CCDC15: variants seen among roughly 807,000 people sequenced by gnomAD.
The protein encoded by CCDC15 is coiled-coil domain-containing protein 15.
A neutral mutation model predicts 114.5 loss-of-function variants in CCDC15; 105 were observed. The observed-to-expected ratio is 0.92, with a 90% confidence interval of 0.78 to 1.08. The LOEUF (loss-of-function observed/expected upper bound fraction) is 1.08, where lower values mean the gene tolerates loss of function less well. CCDC15 is among the 50% of genes least tolerant of loss of function. The probability of loss-of-function intolerance (pLI) is 0.00; values close to 1 mark genes in which losing one functional copy is unlikely to be tolerated. For missense variants in CCDC15, 1,105 were observed against 1,093.6 expected (o/e 1.01, Z -0.15); for synonymous variants, 334 against 377.8 (o/e 0.88, Z 1.34).
At chr11:125,019,044 T>C (rs1948645954) in intron 13 of CCDC15, among the ~76,000 whole-genome samples, 2 of 151,812 alleles carry the variant, frequency 1.3e-5, no homozygotes, top group South Asian at 4.2e-4. Context: ...CCTTAAGAAA[T>C]AAGGAAAGAC....
intron 4 of CCDC15, among the ~76,000 whole-genome samples, chr11:124,968,246 G>T (rs1282980256): frequency 6.6e-6 from 1 of 152,234 alleles, no homozygotes; most frequent in East Asian, 1.9e-4. Flanking sequence ...GTTCAGCTAT[G>T]CCCTGACCCT....
intron 6 of CCDC15, among the ~76,000 whole-genome samples, chr11:124,981,911 G>A (rs915893483): frequency 5.3e-5 from 8 of 152,236 alleles, no homozygotes; most frequent in South Asian, 2.1e-4. Flanking sequence ...ATGAGCCATC[G>A]CAGCTGGCCT....
In CCDC15 at chr11:124,986,889, G is replaced by A; in HGVS notation, c.900+1G>A. 6.5e-7 allele frequency: 1 copy of A among 1,542,028 alleles called. No homozygotes were observed. The highest frequency in any genetic ancestry group is 1.7e-4 in the Middle Eastern group (1 of 5,882). On this transcript the variant is annotated splice_donor_variant, in intron 7 of 15. Transcript: ENST00000344762. LOFTEE classifies it high-confidence loss of function. ...GAACAAACCTTTCAGCAGAGTTCAGGTAAAGCAATAAGAGAAATTAAATTA... is the reference window on the plus strand; with the variant it reads ...GAACAAACCTTTCAGCAGAGTTCAGATAAAGCAATAAGAGAAATTAAATTA...
intron 4 of CCDC15, among the ~76,000 whole-genome samples, chr11:124,966,932 A>G (rs527504211): frequency 6.6e-6 from 1 of 152,328 alleles, no homozygotes; most frequent in African/African-American, 2.4e-5. Flanking sequence ...TTCCGGGTTG[A>G]AAATTCTTTT....
rs980527483 is a variant in CCDC15, at chr11:124,991,014, C to G, written c.1909-447C>G. Among the ~76,000 whole-genome samples, 3 of 152,178 alleles carry G rather than the reference C, an allele frequency of 2.0e-5. No individual in the cohort carries two copies. In the East Asian group the frequency reaches 5.8e-4, roughly 29 times the overall value. ...AATTATATTCTGATCTTGGTTAACTCCAGAATTCTCACTAAAACCTAAAGT... is the reference window on the plus strand; with the variant it reads ...AATTATATTCTGATCTTGGTTAACTGCAGAATTCTCACTAAAACCTAAAGT... On this transcript the variant is annotated intron_variant, in intron 8 of 15. Coordinates refer to ENST00000344762, the MANE Select transcript of CCDC15 (RefSeq NM_025004.3).
At chr11:125,017,509 G>A (rs1948636068) in intron 13 of CCDC15, among the ~76,000 whole-genome samples, 1 of 152,114 alleles carries the variant, frequency 6.6e-6, no homozygotes, top group African/African-American at 2.4e-5. Flanking sequence ...TAAACCTACT[G>A]TGCTTCCAGT....
chr11:124,958,494 A>G (rs1377749182), intron 2 of CCDC15, among the ~76,000 whole-genome samples: 3 of 152,180 alleles, frequency 2.0e-5, no homozygotes, highest in African/African-American at 7.2e-5. Context: ...GAGCAATTAT[A>G]TAAATATATA....
At chr11:124,977,992 C>G (rs1948004488) in intron 6 of CCDC15, among the ~76,000 whole-genome samples, 1 of 152,062 alleles carries the variant, frequency 6.6e-6, no homozygotes, top group Non-Finnish European at 1.5e-5. Context: ...TTTTCCCATC[C>G]TCACCCTCCT....
chr11:125,040,590 C>T lies in CCDC15; in HGVS notation c.2735C>T (p.Ala912Val). 1 of 1,604,092 alleles carries T rather than the reference C, an allele frequency of 6.2e-7. No individual in the cohort carries two copies. The highest frequency in any genetic ancestry group is 8.5e-7 in the Non-Finnish European group (1 of 1,175,086). The change falls in exon 16 of 16, where the codon GCA becomes GTA. Residue 912 changes from alanine (A) to valine (V), a missense_variant and splice_region_variant. Ala to Val is a moderately conservative substitution (Grantham distance 64). Transcript: ENST00000344762. ...TTGCTGTGCAAACCTTTTTTTGCAG[C>T]ATATACTCGGGCACTACATTCATTC... ...NNCIFYKNHRAYTRALHSFIN... is the reference protein window; with the variant it reads ...NNCIFYKNHRVYTRALHSFIN...
intron 8 of CCDC15, among the ~76,000 whole-genome samples, chr11:124,990,432 C>CCG (rs1948248061): frequency 6.6e-6 from 1 of 152,146 alleles, no homozygotes; most frequent in Non-Finnish European, 1.5e-5. Flanking sequence ...CGAGCACATG[C>CCG]TGTTGGAAAA....
chr11:124,954,957 T>C, intron 2 of CCDC15, 48 bp downstream of exon 2: 1 of 1,517,598 alleles, frequency 6.6e-7, no homozygotes, highest in Non-Finnish European at 9.1e-7. Context: ...CACCACCCTT[T>C]TTATTAGCCT....
Position 124,971,671 on chromosome 11 carries a change from G to A in CCDC15, c.517-3425G>A, listed in dbSNP as rs572236158. Among the ~76,000 whole-genome samples, 4 of 152,168 alleles carry A rather than the reference G, an allele frequency of 2.6e-5. No individual in the cohort carries two copies. The East Asian group carries it at 5.8e-4, about 22-fold the overall frequency. On this transcript the variant is annotated intron_variant, in intron 4 of 15. Coordinates refer to ENST00000344762, the MANE Select transcript of CCDC15 (RefSeq NM_025004.3). ...TTTTTTACACTGAGTTTTATTGAAA[G>A]TATATATGTACATAGTTTGAACAAG...
intron 13 of CCDC15, among the ~76,000 whole-genome samples, chr11:125,029,268 A>G (rs900780802): frequency 6.6e-6 from 1 of 152,176 alleles, no homozygotes; most frequent in Non-Finnish European, 1.5e-5. Flanking sequence ...TATCCAATCA[A>G]GTTGACACTC....
At chr11:125,028,629 T>C (rs11828896) in intron 13 of CCDC15, among the ~76,000 whole-genome samples, 9,598 of 152,244 alleles carry the variant, frequency 0.063, 368 homozygotes, top group African/African-American at 0.11. Context: ...TACTCTTCAT[T>C]TGTGTACATT....
intron 2 of CCDC15, among the ~76,000 whole-genome samples, chr11:124,956,844 A>G (rs550661770): frequency 1.3e-5 from 2 of 152,284 alleles, no homozygotes; most frequent in Middle Eastern, 3.4e-3. Context: ...CTGTCAGCTC[A>G]AAATAAATGC....
Position 124,987,936 on chromosome 11 carries a change from T to A in CCDC15, c.1710T>A (p.Leu570=), listed in dbSNP as rs191332524. The part of the protein sequence containing the change: ...QDFLPRDQGV[L]PKDQNILPIC... ...TTCTACCCAGAGACCAAGGTGTTCT[T>A]CCCAAAGACCAAAATATTCTACCCA... The change falls in exon 8 of 16, where the codon CTT becomes CTA. Residue 570 remains leucine (L), a synonymous_variant. Coordinates refer to ENST00000344762, the MANE Select transcript of CCDC15 (RefSeq NM_025004.3). 48 of 1,613,190 alleles carry A rather than the reference T, an allele frequency of 3.0e-5. No individual in the cohort carries two copies. The African/African-American group carries it at 5.8e-4, about 19-fold the overall frequency.
intron 13 of CCDC15, among the ~76,000 whole-genome samples, chr11:125,023,893 G>A (rs1948678074): frequency 6.6e-6 from 1 of 152,002 alleles, no homozygotes; most frequent in South Asian, 2.1e-4. Flanking sequence ...CATATTGCAT[G>A]ATCTCATTTA....
intron 14 of CCDC15, 101 bp from the exon 15 acceptor site, chr11:125,038,820 T>C: frequency 1.5e-6 from 2 of 1,362,892 alleles, no homozygotes; most frequent in Non-Finnish European, 2.0e-6. Context: ...GGCCCAGAGA[T>C]ACGGAATAGA....
intron 13 of CCDC15, among the ~76,000 whole-genome samples, chr11:125,018,739 G>T (rs1256641599): frequency 6.6e-6 from 1 of 152,042 alleles, no homozygotes; most frequent in Non-Finnish European, 1.5e-5. Context: ...ACTCAGTAAA[G>T]ATTAGCTGCT....
Sources: allele counts gnomAD v4.1 joint callset (sites outside exome capture counted in the v4.1 genomes callset), GRCh38; gene constraint gnomAD v4.1.1; transcripts MANE v1.5; gene names NCBI Gene and HGNC (gene_info 2026-07-23, HGNC 2026-07-21).